The following SPOCK1 variants were observed in gnomAD, a reference collection of about 807,000 sequenced individuals.
SPOCK1 encodes testican-1.
In SPOCK1, 23 loss-of-function variants were observed where a neutral mutation model predicts 55.3. The observed-to-expected ratio is 0.42, with a 90% CI of 0.30 to 0.59. The LOEUF is 0.59. SPOCK1 is among the 20% of genes least tolerant of loss of function. The pLI is 0.22. For synonymous variants in SPOCK1, 226 were observed against 221.0 expected (o/e 1.02, Z -0.20); for missense variants, 499 against 552.5 (o/e 0.90, Z 0.97).
At chr5:137,459,449 G>C (rs911501744) in intron 2 of SPOCK1, among the ~76,000 whole-genome samples, 1 of 43,842 alleles carries the variant, frequency 2.3e-5, no homozygotes, top group Admixed American at 3.8e-4. Context: ...GCTAATGAAA[G>C]GCTTTTTTTT....
chr5:136,985,126 G>C lies in SPOCK1; in HGVS notation c.991+14C>G. 1.2e-6 allele frequency: 2 copies of C among 1,613,806 alleles called. No homozygotes were observed. The highest frequency in any genetic ancestry group is 1.7e-6 in the Non-Finnish European group (2 of 1,179,676). ...AATTAGTTGTTTAAATGAGTGGCAA[G>C]AAATTGTACTTACCCAACAGGCTTT... On this transcript the variant is annotated intron_variant, in intron 9 of 10. Coordinates refer to ENST00000394945, the MANE Select transcript of SPOCK1 (RefSeq NM_004598.4).
At chr5:137,276,503 G>A (rs981452977) in intron 2 of SPOCK1, among the ~76,000 whole-genome samples, 9 of 152,296 alleles carry the variant, frequency 5.9e-5, no homozygotes, top group Non-Finnish European at 1.0e-4. Context: ...CTAGGGCCAG[G>A]GGCTGGGTGG....
intron 3 of SPOCK1, among the ~76,000 whole-genome samples, chr5:137,243,322 C>A (rs748486854): frequency 6.6e-6 from 1 of 152,156 alleles, no homozygotes; most frequent in Admixed American, 6.5e-5. Context: ...CTCACCCAAA[C>A]GTTTCAAAGG....
intron 5 of SPOCK1, among the ~76,000 whole-genome samples, chr5:137,090,530 A>G (rs777860963): frequency 1.3e-5 from 2 of 151,882 alleles, no homozygotes; most frequent in African/African-American, 4.8e-5. Context: ...AGGATTGTCA[A>G]CTCCTTGAGG....
intron 3 of SPOCK1, among the ~76,000 whole-genome samples, chr5:137,169,170 G>A (rs530024228): frequency 3.3e-5 from 5 of 152,040 alleles, no homozygotes; most frequent in African/African-American, 1.2e-4. Flanking sequence ...TAGAAGGATG[G>A]TTACCAAAGG....
intron 2 of SPOCK1, among the ~76,000 whole-genome samples, chr5:137,337,203 G>C (rs907784210): frequency 6.6e-6 from 1 of 152,198 alleles, no homozygotes; most frequent in Non-Finnish European, 1.5e-5. Flanking sequence ...AAAGTACAGT[G>C]TATCTCCAGG....
intron 2 of SPOCK1, among the ~76,000 whole-genome samples, chr5:137,417,396 A>AT (rs1752361240): frequency 6.6e-6 from 1 of 150,500 alleles, no homozygotes; most frequent in African/African-American, 2.5e-5. Flanking sequence ...TTACTGTCAA[A>AT]TGCACACATT....
At chr5:137,066,963 T>TACACACACACACACACACACAC (rs147918575) in intron 6 of SPOCK1, among the ~76,000 whole-genome samples, 48 of 126,316 alleles carry the variant, frequency 3.8e-4, no homozygotes, top group African/African-American at 1.3e-3. Flanking sequence ...AACATAAGCA[T>TACACACACACACACACACACAC]ACACACACAC....
At chr5:137,012,869 G>C (rs1384604122) in intron 6 of SPOCK1, among the ~76,000 whole-genome samples, 1 of 152,222 alleles carries the variant, frequency 6.6e-6, no homozygotes, top group Non-Finnish European at 1.5e-5. Context: ...TAGGGGTTAA[G>C]TTGTGGTTCA....
chr5:137,182,852 G>A (rs145461103), intron 3 of SPOCK1, among the ~76,000 whole-genome samples: 7 of 152,262 alleles, frequency 4.6e-5, no homozygotes, highest in East Asian at 3.9e-4. Context: ...CCACATGCCC[G>A]CAGCTCTGGC....
At chr5:137,320,427 T>C (rs1466478322) in intron 2 of SPOCK1, among the ~76,000 whole-genome samples, 1 of 152,182 alleles carries the variant, frequency 6.6e-6, no homozygotes, top group Non-Finnish European at 1.5e-5. Flanking sequence ...GCTTCTCCAC[T>C]GGGAGGGAAA....
chr5:137,096,427 C>T (rs572341580), intron 5 of SPOCK1, among the ~76,000 whole-genome samples: 1 of 152,190 alleles, frequency 6.6e-6, no homozygotes, highest in Non-Finnish European at 1.5e-5. Flanking sequence ...GCCCAGCCCT[C>T]CACCTCATCC....
chr5:137,366,274 A>G (rs946088944), intron 2 of SPOCK1, among the ~76,000 whole-genome samples: 4 of 152,106 alleles, frequency 2.6e-5, no homozygotes, highest in African/African-American at 9.7e-5. Flanking sequence ...TGTTTTCAAA[A>G]TAGAAAATTT....
chr5:137,464,489 T>C (rs1753558694), intron 2 of SPOCK1, among the ~76,000 whole-genome samples: 1 of 151,022 alleles, frequency 6.6e-6, no homozygotes, highest in African/African-American at 2.4e-5. Context: ...GAAAAGATAG[T>C]GTGGCAAGAA....
chr5:137,498,566 G>T lies in SPOCK1; in HGVS notation c.1-8C>A, dbSNP rs773378492. On this transcript the variant is annotated splice_polypyrimidine_tract_variant and splice_region_variant and intron_variant, in intron 1 of 10. Coordinates refer to ENST00000394945, the MANE Select transcript of SPOCK1 (RefSeq NM_004598.4). Reference sequence around the variant, plus strand: ...CACCGCGATCGCCGGCATCTGCGGGGCAGGGCGCGCAGGGCGATGAGCGAA... The same window carrying T: ...CACCGCGATCGCCGGCATCTGCGGGTCAGGGCGCGCAGGGCGATGAGCGAA... The T allele has an allele frequency of 6.9e-7, 1 of 1,459,240 alleles. No homozygotes were observed. Among genetic ancestry groups the T allele is most frequent in the Non-Finnish European group, 9.0e-7 (1 of 1,114,448 alleles). 90.4% of individuals were successfully genotyped at this position (1,459,240 alleles called of 1,614,324 possible).
chr5:137,184,544 G>T (rs1458935256), intron 3 of SPOCK1, among the ~76,000 whole-genome samples: 3 of 152,288 alleles, frequency 2.0e-5, no homozygotes, highest in African/African-American at 7.2e-5. Context: ...GTTCTGGCCA[G>T]AGCTCTGCAG....
intron 3 of SPOCK1, among the ~76,000 whole-genome samples, chr5:137,228,888 A>G (rs10065544): frequency 0.17 from 25,870 of 152,174 alleles, 2,496 homozygotes; most frequent in South Asian, 0.27. Context: ...GAATTTAGGA[A>G]CAATCTAAAT....
intron 6 of SPOCK1, chr5:136,992,871 G>A (rs566601515): frequency 5.1e-5 from 17 of 331,650 alleles, no homozygotes; most frequent in South Asian, 3.8e-4. Flanking sequence ...TGGTCTCACC[G>A]TTGTGTAGCA....
At chr5:137,481,446 A>G (rs1753948664) in intron 2 of SPOCK1, among the ~76,000 whole-genome samples, 1 of 152,242 alleles carries the variant, frequency 6.6e-6, no homozygotes, top group South Asian at 2.1e-4. Context: ...CTAGGTCAAA[A>G]ATATGGGAAG....
Sources: gnomAD v4.1 joint callset for allele counts (sites outside exome capture counted in the v4.1 genomes callset) on GRCh38, gnomAD v4.1.1 for gene constraint, MANE v1.5 for transcripts, NCBI Gene and HGNC (gene_info 2026-07-23, HGNC 2026-07-21) for gene names.